CNBD1: variants seen among roughly 807,000 people sequenced by gnomAD.
The protein encoded by CNBD1 is cyclic nucleotide binding domain containing 1, also known as cyclic nucleotide-binding domain-containing protein 1.
Under a neutral mutation model 54.4 loss-of-function variants are expected in CNBD1, and 71 were observed. The observed-to-expected ratio is 1.30, with a 90% CI of 1.08 to 1.59. The LOEUF (loss-of-function observed/expected upper bound fraction) is 1.59. Ranked by LOEUF, CNBD1 falls within the 40% of genes most tolerant of loss-of-function variation. CNBD1 has a pLI of 0.00. For missense variants in CNBD1, 659 were observed against 518.0 expected (o/e 1.27, Z -2.64); for synonymous variants, 182 against 170.7 (o/e 1.07, Z -0.51).
At chr8:87,378,239 C>A (rs1469334352) in intron 10 of CNBD1, among the ~76,000 whole-genome samples, 1 of 142,376 alleles carries the variant, frequency 7.0e-6, no homozygotes, top group Non-Finnish European at 1.5e-5. Context: ...ATGCCTATGT[C>A]CTGAATGGTA....
rs559401695 is a variant in CNBD1 at position 86,882,314 on chromosome 8, T to C, written c.89-5228T>C. On this transcript the variant is annotated intron_variant, in intron 1 of 10. Transcript: ENST00000518476. ...TAATATCTAGCATCTATAAGGAACT[T>C]AAACAAATTTACAAGAAAAAAACAA... Among the ~76,000 whole-genome samples, 12 of 152,042 alleles carry C rather than the reference T, an allele frequency of 7.9e-5. No individual in the cohort carries two copies. The East Asian group carries it at 2.3e-3, about 29-fold the overall frequency.
At chr8:87,229,032 C>A (rs187775324) in intron 5 of CNBD1, among the ~76,000 whole-genome samples, 1 of 152,172 alleles carries the variant, frequency 6.6e-6, no homozygotes, top group Non-Finnish European at 1.5e-5. Context: ...TCCCTCACCC[C>A]TTTCTTTGAT....
At chr8:87,235,019 T>C (rs1807556313) in intron 5 of CNBD1, among the ~76,000 whole-genome samples, 2 of 152,214 alleles carry the variant, frequency 1.3e-5, no homozygotes, top group Admixed American at 1.3e-4. Flanking sequence ...GCACTTTATG[T>C]TATAGATATG....
chr8:87,082,518 C>T (rs1212681105), intron 4 of CNBD1, among the ~76,000 whole-genome samples: 6 of 152,152 alleles, frequency 3.9e-5, no homozygotes, highest in Admixed American at 2.0e-4. Flanking sequence ...GTCTGCTTCA[C>T]CTGCATTAAC....
chr8:87,104,140 A>G (rs1476402352), intron 4 of CNBD1, among the ~76,000 whole-genome samples: 6 of 152,226 alleles, frequency 3.9e-5, no homozygotes, highest in Non-Finnish European at 8.8e-5. Flanking sequence ...GGATGAGGTA[A>G]TAAACTATGT....
At chr8:86,907,511 A>G (rs763736695) in intron 3 of CNBD1, among the ~76,000 whole-genome samples, 2 of 151,868 alleles carry the variant, frequency 1.3e-5, no homozygotes, top group Non-Finnish European at 2.9e-5. Flanking sequence ...CTACTAAAAT[A>G]CAAAAAATTA....
chr8:87,392,735 G>C (rs549498507), intron 2 of CNBD1, among the ~76,000 whole-genome samples: 46 of 152,004 alleles, frequency 3.0e-4, no homozygotes, highest in African/African-American at 1.1e-3. Context: ...AGATTCCAGT[G>C]ATGATTGCCC....
At chr8:87,380,650 G>A (rs1016284189) in intron 10 of CNBD1, among the ~76,000 whole-genome samples, 4 of 151,924 alleles carry the variant, frequency 2.6e-5, no homozygotes, top group East Asian at 1.9e-4. Context: ...GTCTGTGAAC[G>A]TGAGATGTCT....
chr8:86,917,943 AG>A (rs2131821625), intron 3 of CNBD1, among the ~76,000 whole-genome samples: 1 of 152,374 alleles, frequency 6.6e-6, no homozygotes, highest in East Asian at 1.9e-4. Flanking sequence ...ATGGTATTGG[AG>A]GAAGAGGATC....
chr8:87,257,324 G>A (rs2130845419), intron 6 of CNBD1, among the ~76,000 whole-genome samples: 1 of 139,780 alleles, frequency 7.2e-6, no homozygotes, highest in East Asian at 2.1e-4. Context: ...AGCTGAGATT[G>A]TGCCATTACA....
chr8:87,162,346 A>G (rs1812875095), intron 4 of CNBD1, among the ~76,000 whole-genome samples: 1 of 152,102 alleles, frequency 6.6e-6, no homozygotes, highest in African/African-American at 2.4e-5. Context: ...TGATGGTAAA[A>G]TTGTATTTAA....
At chr8:87,391,652 G>T (rs960185944) in intron 2 of CNBD1, among the ~76,000 whole-genome samples, 1 of 151,990 alleles carries the variant, frequency 6.6e-6, no homozygotes, top group Non-Finnish European at 1.5e-5. Context: ...GAAGACTGAA[G>T]TTGGATCCAC....
intron 8 of CNBD1, among the ~76,000 whole-genome samples, chr8:87,326,172 C>T (rs1031699386): frequency 7.0e-5 from 9 of 127,728 alleles, no homozygotes; most frequent in South Asian, 2.4e-4. Context: ...CCGAGAGATC[C>T]GCTGTTAGTC....
intron 8 of CNBD1, among the ~76,000 whole-genome samples, chr8:87,303,688 A>G (rs1809073397): frequency 6.6e-6 from 1 of 150,660 alleles, no homozygotes; most frequent in African/African-American, 2.5e-5. Flanking sequence ...CTACCATCAG[A>G]GTGAACAGGC....
Position 87,180,259 on chromosome 8 carries a change from G to T in CNBD1, c.432-25734G>T, listed in dbSNP as rs570050758. Among the ~76,000 whole-genome samples the T allele has an allele frequency of 7.1e-4, 108 of 152,192 alleles. 2 individuals are homozygous for T. The South Asian group carries it at 0.021, about 29-fold the overall frequency. On this transcript the variant is annotated intron_variant, in intron 4 of 10. Coordinates refer to ENST00000518476, the MANE Select transcript of CNBD1 (RefSeq NM_173538.3). The stretch of plus-strand genomic sequence containing the variant: ...TTCATTATATTTTAAGCATGAATTG[G>T]TTGTTTGCAGAAATCATGAATAAAT...
intron 4 of CNBD1, among the ~76,000 whole-genome samples, chr8:86,995,642 G>A (rs77878710): frequency 0.025 from 3,850 of 152,130 alleles, 151 homozygotes; most frequent in African/African-American, 0.089. Context: ...TATTATTGCT[G>A]GGGTAGCAAA....
At chr8:87,136,397 G>C (rs976518241) in intron 4 of CNBD1, among the ~76,000 whole-genome samples, 2 of 149,008 alleles carry the variant, frequency 1.3e-5, no homozygotes, top group African/African-American at 4.9e-5. Context: ...GGAAGATACA[G>C]GTAGATTTTT....
At chr8:86,990,488 A>T (rs1008236466) in intron 4 of CNBD1, among the ~76,000 whole-genome samples, 33 of 152,166 alleles carry the variant, frequency 2.2e-4, no homozygotes, top group African/African-American at 7.5e-4. Context: ...TTTATAAAAA[A>T]TGAGTTCAGT....
intron 4 of CNBD1, among the ~76,000 whole-genome samples, chr8:87,080,452 C>T (rs980462498): frequency 2.0e-5 from 3 of 151,916 alleles, no homozygotes; most frequent in Non-Finnish European, 2.9e-5. Flanking sequence ...CGTGGTGGCA[C>T]ACACCTGTAA....
Sources: gnomAD v4.1 joint callset for allele counts (sites outside exome capture counted in the v4.1 genomes callset) on GRCh38, gnomAD v4.1.1 for gene constraint, MANE v1.5 for transcripts, NCBI Gene and HGNC (gene_info 2026-07-23, HGNC 2026-07-21) for gene names.